SH3TC1: variants seen among roughly 807,000 people sequenced by gnomAD.
The protein encoded by SH3TC1 is SH3 domain and tetratricopeptide repeat-containing protein 1.
A neutral mutation model predicts 117.3 loss-of-function variants in SH3TC1; 135 were observed. The ratio of observed to expected loss-of-function variants is 1.15; its 90% confidence interval spans 1.00 to 1.33. SH3TC1 has a LOEUF of 1.33. Among genes scored for constraint, SH3TC1 ranks in the 40% most tolerant of loss-of-function variants. SH3TC1 has a pLI of 0.00. For missense variants in SH3TC1, 2,092 were observed against 1,794.3 expected, an observed-to-expected ratio of 1.17 and a Z score of -3.00; for synonymous variants, 898 against 816.9, an observed-to-expected ratio of 1.10 and a Z score of -1.69.
rs1014609779 is a variant in SH3TC1 at position 8,206,357 on chromosome 4, C to T, written c.172+991C>T. On this transcript the variant is annotated intron_variant, in intron 2 of 17. Transcript: ENST00000245105. This position sits in a 1 kb window ranked among gnomAD's most constrained non-coding sequence, Gnocchi z 5.5. ...GGGAGCCCACCTGGCCATGGAATCG[C>T]GTTCCCTCCAGGGCAGGCCTCATGA... 3.3e-5 allele frequency among the ~76,000 whole-genome samples: 5 copies of T among 151,406 alleles called. No homozygotes were observed. Among genetic ancestry groups the T allele is most frequent in the East Asian group, 3.9e-4 (2 of 5,076 alleles).
intron 2 of SH3TC1, among the ~76,000 whole-genome samples, chr4:8,208,278 G>T (rs956184376): frequency 6.6e-6 from 1 of 152,254 alleles, no homozygotes; most frequent in African/African-American, 2.4e-5. Flanking sequence ...GGCATCTGCG[G>T]GGTGTGTTTC....
chr4:8,235,281 G>A (rs941368448), intron 14 of SH3TC1, 152 bp from the exon 15 acceptor site: 14 of 885,564 alleles, frequency 1.6e-5, no homozygotes, highest in African/African-American at 5.2e-5. Context: ...CCATGCCAGC[G>A]GTGGGGGCGG....
Position 8,183,820 on chromosome 4 carries a change from G to A in SH3TC1, c.-57+1610G>A, listed in dbSNP as rs977733352. ...CAGATTTCCTTCGTCTTTACCTAAC[G>A]CCTTCGCCTGCCCCGGGATCCCACC... On this transcript the variant is annotated intron_variant, in intron 1 of 16. Transcript: ENST00000508641. The surrounding 1 kb of genome is among the most constrained non-coding windows in gnomAD (Gnocchi z 5.4). 1.2e-4 allele frequency among the ~76,000 whole-genome samples: 19 copies of A among 152,024 alleles called. No individual in the cohort carries two copies. The highest frequency in any genetic ancestry group is 4.6e-4 in the African/African-American group (19 of 41,380).
chr4:8,223,084 A>T, intron 10 of SH3TC1, 114 bp downstream of exon 10: 1 of 1,415,902 alleles, frequency 7.1e-7, no homozygotes, highest in Non-Finnish European at 9.4e-7. Flanking sequence ...TGAAAGGTGA[A>T]CAGACAGAGG....
intron 17 of SH3TC1, among the ~76,000 whole-genome samples, chr4:8,238,101 G>A (rs1223884928): frequency 1.3e-5 from 2 of 152,188 alleles, no homozygotes; most frequent in African/African-American, 2.4e-5. Context: ...CCCAAATCCT[G>A]GCGCCTCTGC....
At chr4:8,188,735 C>G (rs753863235) in intron 1 of SH3TC1, among the ~76,000 whole-genome samples, 6 of 152,208 alleles carry the variant, frequency 3.9e-5, no homozygotes, top group Non-Finnish European at 5.9e-5. Flanking sequence ...AGTGGTGGGC[C>G]ACGCCCCTGT....
Position 8,210,043 on chromosome 4 carries a change from GTGCACC to G in SH3TC1, c.247+227_247+232del, listed in dbSNP as rs1718523853. On this transcript the variant is annotated intron_variant, in intron 3 of 17. Transcript: ENST00000245105. This position sits in a 1 kb window ranked among gnomAD's most constrained non-coding sequence, Gnocchi z 4.1. ...CTGGGGCTCCCCTAGGCATCCCTGT[GTGCACC>G]TGCACAAACGGCAGACACGGTCCTG... Among the ~76,000 whole-genome samples, 1 of 152,218 alleles carries G rather than the reference GTGCACC, an allele frequency of 6.6e-6. No individual in the cohort carries two copies. Among genetic ancestry groups the G allele is most frequent in the Admixed American group, 6.5e-5 (1 of 15,286 alleles).
At chr4:8,195,477 T>A (rs1315575390), upstream of SH3TC1, among the ~76,000 whole-genome samples, 7 of 152,126 alleles carry the variant, frequency 4.6e-5, no homozygotes, top group African/African-American at 1.7e-4. Context: ...GGCTGCTGGG[T>A]GTGCTGTGTG....
At chr4:8,198,821 A>G (rs1474096526), upstream of SH3TC1, among the ~76,000 whole-genome samples, 1 of 152,176 alleles carries the variant, frequency 6.6e-6, no homozygotes, top group African/African-American at 2.4e-5. Flanking sequence ...TTGTGTGCAT[A>G]CGTGTGCCTG....
At chr4:8,222,994 T>C (rs1397559281) in intron 10 of SH3TC1, 24 bp downstream of exon 10, 1 of 1,600,104 alleles carries the variant, frequency 6.2e-7, no homozygotes, top group South Asian at 1.1e-5. Flanking sequence ...ATGCCTGTGG[T>C]GGGGCCACTG....
chr4:8,213,465 G>T (rs891991266), intron 4 of SH3TC1, among the ~76,000 whole-genome samples: 5 of 152,218 alleles, frequency 3.3e-5, no homozygotes, highest in African/African-American at 1.2e-4. Flanking sequence ...CCAAGCACCT[G>T]CAGGCTGCTG....
chr4:8,217,546 G>C (rs1333289666), intron 7 of SH3TC1, among the ~76,000 whole-genome samples: 1 of 152,246 alleles, frequency 6.6e-6, no homozygotes, highest in South Asian at 2.1e-4. Flanking sequence ...TGTGAGGACA[G>C]GTGACATGCA....
chr4:8,204,206 G>A (rs1461287190), intron 1 of SH3TC1, among the ~76,000 whole-genome samples: 2 of 152,188 alleles, frequency 1.3e-5, no homozygotes, highest in Admixed American at 6.5e-5. Flanking sequence ...CAGGAGCAAG[G>A]GGACGAGTCC....
Position 8,240,811 on chromosome 4 carries a change from C to T in SH3TC1, c.3867C>T (p.Asn1289=). ...IYTRLATIYH[N]FLLDREKSLF... is the part of the protein sequence containing the mutation. Reference sequence around the variant, plus strand: ...CGCGGCTGGCCACCATCTACCACAACTTCCTCCTGGACCGTGAGAAGTCGC... The same window carrying T: ...CGCGGCTGGCCACCATCTACCACAATTTCCTCCTGGACCGTGAGAAGTCGC... The change falls in exon 18 of 18, where the codon AAC becomes AAT. Residue 1289 remains asparagine, a synonymous_variant. Coordinates refer to ENST00000245105, the MANE Select transcript of SH3TC1 (RefSeq NM_018986.5). 1 of 1,614,172 alleles carries T rather than the reference C, an allele frequency of 6.2e-7. No homozygotes were observed. Among genetic ancestry groups the T allele is most frequent in the Non-Finnish European group, 8.5e-7 (1 of 1,180,050 alleles).
intron 2 of SH3TC1, among the ~76,000 whole-genome samples, chr4:8,207,216 G>A (rs967393538): frequency 6.6e-6 from 1 of 152,118 alleles, no homozygotes; most frequent in Non-Finnish European, 1.5e-5. Flanking sequence ...CCCTCGATTC[G>A]AGTGCAGCTA....
At chr4:8,198,607 G>A (rs1717640059), upstream of SH3TC1, among the ~76,000 whole-genome samples, 1 of 152,236 alleles carries the variant, frequency 6.6e-6, no homozygotes, top group Non-Finnish European at 1.5e-5. Context: ...TGCCTGGCTG[G>A]GAAGGTTTCT....
chr4:8,240,392 C>G (rs915880486), intron 17 of SH3TC1, among the ~76,000 whole-genome samples: 1 of 152,200 alleles, frequency 6.6e-6, no homozygotes. Flanking sequence ...GCATGGAACT[C>G]TCAGAGCAGG....
chr4:8,240,556 C>T, intron 17 of SH3TC1, 142 bp from the exon 18 acceptor site: 4 of 1,357,884 alleles, frequency 2.9e-6, no homozygotes, highest in Non-Finnish European at 4.1e-6. Flanking sequence ...TGCAGCTGAG[C>T]CCACAGCAGT....
At chr4:8,232,835 A>G (rs115561809) in intron 13 of SH3TC1, 20,582 of 1,277,474 alleles carry the variant, frequency 0.016, 183 homozygotes, top group Non-Finnish European at 0.019. Flanking sequence ...AAAATGGGCC[A>G]GTGTGTTAGA....
Sources: gnomAD v4.1 joint callset for allele counts (sites outside exome capture counted in the v4.1 genomes callset) on GRCh38, gnomAD v4.1.1 for gene constraint, Gnocchi (gnomAD v3.1) non-coding constraint, MANE v1.5 for transcripts, NCBI Gene and HGNC (gene_info 2026-07-23, HGNC 2026-07-21) for gene names.